Variants in SLC12A2 observed in about 807,000 individuals in gnomAD.
SLC12A2 encodes the protein solute carrier family 12 member 2.
SLC12A2 carries 67 observed loss-of-function variants against 136.3 expected under a neutral mutation model. That is an observed-to-expected ratio of 0.49 (90% confidence interval 0.40 to 0.60). SLC12A2 has a LOEUF of 0.60. SLC12A2 is among the 20% of genes least tolerant of loss of function. The probability of loss-of-function intolerance (pLI) is 0.00; values close to 1 mark genes in which losing one functional copy is unlikely to be tolerated. For synonymous variants in SLC12A2, 619 were observed against 562.9 expected (o/e 1.10, Z -1.41); for missense variants, 1,322 against 1,534.7 (o/e 0.86, Z 2.32).
intron 4 of SLC12A2, among the ~76,000 whole-genome samples, chr5:128,129,640 T>A (rs1761942698): frequency 6.6e-6 from 1 of 152,146 alleles, no homozygotes; most frequent in Non-Finnish European, 1.5e-5. Context: ...ACTGTAGAAT[T>A]TTTTTGTTGG....
At chr5:128,129,669 A>G (rs1761943920) in intron 4 of SLC12A2, among the ~76,000 whole-genome samples, 1 of 152,140 alleles carries the variant, frequency 6.6e-6, no homozygotes, top group South Asian at 2.1e-4. Flanking sequence ...CCTTCTTTAT[A>G]CTGGGTGAAC....
intron 15 of SLC12A2, among the ~76,000 whole-genome samples, chr5:128,153,479 C>T (rs1762772112): frequency 6.6e-6 from 1 of 152,130 alleles, no homozygotes; most frequent in South Asian, 2.1e-4. Flanking sequence ...GGCTCGAACC[C>T]AGGAGGCGGA....
chr5:128,123,577 T>C (rs1761669520), intron 4 of SLC12A2, among the ~76,000 whole-genome samples: 1 of 152,236 alleles, frequency 6.6e-6, no homozygotes, highest in African/African-American at 2.4e-5. Flanking sequence ...CCATAATGGC[T>C]AAAGATGTTG....
At chr5:128,168,226 CT>C (rs1763265072) in intron 18 of SLC12A2, 1 of 159,624 alleles carries the variant, frequency 6.3e-6, no homozygotes, top group Non-Finnish European at 1.4e-5. Context: ...ACCTCCTAAA[CT>C]ATGTCATTAT....
intron 14 of SLC12A2, 47 bp from the exon 15 acceptor site, chr5:128,152,659 G>A: frequency 1.7e-6 from 2 of 1,195,678 alleles, no homozygotes; most frequent in Non-Finnish European, 2.5e-6. Flanking sequence ...CTATTGATTG[G>A]TTGTTATTAC....
At chr5:128,154,300 C>T (rs1396568262) in intron 15 of SLC12A2, among the ~76,000 whole-genome samples, 2 of 151,826 alleles carry the variant, frequency 1.3e-5, no homozygotes, top group East Asian at 3.9e-4. Flanking sequence ...ATGGTGCATA[C>T]CTGTGGTCGG....
chr5:128,160,610 C>A (rs73337377), intron 16 of SLC12A2, among the ~76,000 whole-genome samples: 198 of 152,186 alleles, frequency 1.3e-3, no homozygotes, highest in African/African-American at 4.6e-3. Context: ...AAATAATGAA[C>A]CTTTTTTAAT....
At chr5:128,111,558 G>T (rs1761144154) in intron 1 of SLC12A2, among the ~76,000 whole-genome samples, 1 of 152,054 alleles carries the variant, frequency 6.6e-6, no homozygotes, top group Non-Finnish European at 1.5e-5. Flanking sequence ...GAGGTCAGGA[G>T]ATCGAGACCA....
At chr5:128,132,149 G>A (rs1762045587) in intron 5 of SLC12A2, among the ~76,000 whole-genome samples, 1 of 152,158 alleles carries the variant, frequency 6.6e-6, no homozygotes, top group African/African-American at 2.4e-5. Context: ...GGATTGGGGG[G>A]CGTGACATGC....
chr5:128,121,458 G>C (rs1203855075), intron 4 of SLC12A2, among the ~76,000 whole-genome samples: 1 of 151,942 alleles, frequency 6.6e-6, no homozygotes, highest in Non-Finnish European at 1.5e-5. Flanking sequence ...GAGTAGCTGG[G>C]ACTACAGGTA....
At chr5:128,140,889 A>T (rs1762344097) in intron 9 of SLC12A2, among the ~76,000 whole-genome samples, 1 of 151,948 alleles carries the variant, frequency 6.6e-6, no homozygotes, top group Non-Finnish European at 1.5e-5. Flanking sequence ...TGAAAAACAA[A>T]GAACTGTATA....
chr5:128,140,024 A>C (rs976794072), intron 9 of SLC12A2, among the ~76,000 whole-genome samples: 7 of 152,036 alleles, frequency 4.6e-5, no homozygotes, highest in Non-Finnish European at 1.0e-4. Context: ...TTTGAGACGG[A>C]GTCTCACTCT....
intron 18 of SLC12A2, chr5:128,168,073 C>CATAT (rs567207843): frequency 7.8e-5 from 29 of 371,668 alleles, no homozygotes; most frequent in African/African-American, 4.6e-4. Context: ...TACATACATG[C>CATAT]ATATATATAT....
intron 22 of SLC12A2, among the ~76,000 whole-genome samples, chr5:128,179,682 C>T (rs1342476818): frequency 6.6e-6 from 1 of 151,964 alleles, no homozygotes; most frequent in Non-Finnish European, 1.5e-5. Context: ...TTTTAAATCA[C>T]CCGGTCTCAT....
At chr5:128,140,401 G>A (rs894013526) in intron 9 of SLC12A2, among the ~76,000 whole-genome samples, 3 of 152,162 alleles carry the variant, frequency 2.0e-5, no homozygotes, top group Non-Finnish European at 4.4e-5. Context: ...TATATGCCTA[G>A]CAAAATATAT....
chr5:128,118,763 T>C lies in SLC12A2; in HGVS notation c.1048+4082T>C, dbSNP rs540964933. ...TTAATTCCAACTTCTGTAAAGCTTT[T>C]ACTTGATAAGAATACCTGTGAAGTA... On this transcript the variant is annotated intron_variant, in intron 4 of 26. Transcript: ENST00000262461. Among the ~76,000 whole-genome samples, 6 of 152,308 alleles carry C rather than the reference T, an allele frequency of 3.9e-5. No individual in the cohort carries two copies. The South Asian group carries it at 1.2e-3, about 32-fold the overall frequency.
chr5:128,100,936 G>C (rs1760720980), intron 1 of SLC12A2, among the ~76,000 whole-genome samples: 1 of 152,180 alleles, frequency 6.6e-6, no homozygotes, highest in Non-Finnish European at 1.5e-5. Context: ...GGTTAGTAAA[G>C]AACATGATGG....
intron 1 of SLC12A2, among the ~76,000 whole-genome samples, chr5:128,112,234 A>G (rs770010572): frequency 6.6e-6 from 1 of 152,212 alleles, no homozygotes; most frequent in Non-Finnish European, 1.5e-5. Context: ...GTCAACCAGT[A>G]CATGTCTGAG....
chr5:128,163,616 G>T (rs1763112421), intron 17 of SLC12A2, among the ~76,000 whole-genome samples: 1 of 152,130 alleles, frequency 6.6e-6, no homozygotes, highest in Non-Finnish European at 1.5e-5. Context: ...AAATGAAAAT[G>T]TAGTACAAAT....
Sources: allele counts gnomAD v4.1 joint callset (sites outside exome capture counted in the v4.1 genomes callset), GRCh38; gene constraint gnomAD v4.1.1; transcripts MANE v1.5; gene names NCBI Gene and HGNC (gene_info 2026-07-23, HGNC 2026-07-21).